The following PTGER4 variants were observed in gnomAD, a reference collection of about 807,000 sequenced individuals.
PTGER4 encodes prostaglandin E receptor 4, also known as prostaglandin E2 receptor EP4 subtype.
Under a neutral mutation model 33.2 loss-of-function variants are expected in PTGER4, and 11 were observed. That is an observed-to-expected ratio of 0.33 (90% CI 0.21 to 0.55). The LOEUF (loss-of-function observed/expected upper bound fraction) is 0.55, where lower values mean the gene tolerates loss of function less well. Among genes scored for constraint, PTGER4 ranks in the 20% least tolerant of loss-of-function variants. The pLI is 0.92. For synonymous variants in PTGER4, 275 were observed against 281.5 expected (o/e 0.98, Z 0.23); for missense variants, 481 against 650.2 (o/e 0.74, Z 2.83).
the PTGER4 span, among the ~76,000 whole-genome samples, chr5:40,718,056 C>T: frequency 2.2e-4 from 33 of 150,612 alleles, no homozygotes; most frequent in East Asian, 5.9e-3. Flanking sequence ...GAGCGAAACT[C>T]CGTCTCAAAA....
the PTGER4 span, among the ~76,000 whole-genome samples, chr5:40,743,737 G>A: frequency 6.6e-6 from 1 of 152,108 alleles, no homozygotes; most frequent in Non-Finnish European, 1.5e-5. Flanking sequence ...TCGCGCCACT[G>A]CACTCCAGCC....
chr5:40,688,409 C>G (rs1741384443), intron 2 of PTGER4, among the ~76,000 whole-genome samples: 1 of 152,194 alleles, frequency 6.6e-6, no homozygotes, highest in Admixed American at 6.5e-5. Flanking sequence ...GGACTTGATA[C>G]TAACAGATTT....
chr5:40,716,282 T>C, the PTGER4 span: 13 of 1,614,214 alleles, frequency 8.1e-6, no homozygotes, highest in Admixed American at 1.7e-5. Context: ...TTCTCAGCAA[T>C]AGCTGCACAA....
the PTGER4 span, chr5:40,715,535 G>A: frequency 6.6e-6 from 1 of 152,274 alleles, no homozygotes; most frequent in Non-Finnish European, 1.5e-5. Flanking sequence ...CAACTTCAAA[G>A]TCAAAACAGA....
the PTGER4 span, among the ~76,000 whole-genome samples, chr5:40,718,107 T>C: frequency 1.3e-5 from 2 of 150,746 alleles, no homozygotes; most frequent in Non-Finnish European, 3.0e-5. Context: ...TACAATCTAA[T>C]AGGCCCTTTA....
chr5:40,699,938 T>C, the PTGER4 span, among the ~76,000 whole-genome samples: 2 of 78,678 alleles, frequency 2.5e-5, no homozygotes, highest in Non-Finnish European at 2.8e-5. Flanking sequence ...TTGTGTGTAC[T>C]GAAAGTTTAG....
downstream of PTGER4, among the ~76,000 whole-genome samples, chr5:40,698,336 A>G (rs770447491): frequency 6.6e-6 from 1 of 152,040 alleles, no homozygotes; most frequent in Non-Finnish European, 1.5e-5. Context: ...CTAAATTATA[A>G]TTATACTGAG....
chr5:40,696,539 C>T (rs1452697822), downstream of PTGER4: 1 of 396,132 alleles, frequency 2.5e-6, no homozygotes, highest in Non-Finnish European at 3.4e-6. Flanking sequence ...GTGCTTTAGC[C>T]CCAAACTGGA....
the PTGER4 span, chr5:40,715,606 A>G: frequency 6.6e-6 from 1 of 152,392 alleles, no homozygotes; most frequent in African/African-American, 2.4e-5. Flanking sequence ...ATTTGTGTGC[A>G]TTTTCAGCCA....
downstream of PTGER4, among the ~76,000 whole-genome samples, chr5:40,697,791 C>G (rs916740429): frequency 6.6e-6 from 1 of 151,420 alleles, no homozygotes; most frequent in South Asian, 2.1e-4. Context: ...ACATAATATA[C>G]AAGGTGAACT....
At chr5:40,727,030 T>A in the PTGER4 span, among the ~76,000 whole-genome samples, 1 of 152,210 alleles carries the variant, frequency 6.6e-6, no homozygotes, top group Non-Finnish European at 1.5e-5. Context: ...ATTTAGATTA[T>A]CATTAACTTA....
the PTGER4 span, among the ~76,000 whole-genome samples, chr5:40,729,197 A>G: frequency 6.6e-6 from 1 of 152,250 alleles, no homozygotes; most frequent in Admixed American, 6.5e-5. Context: ...TGAAAAAGGA[A>G]TACAAATGAA....
At position 40,692,461 on chromosome 5, in the gene PTGER4, T is replaced by C; in HGVS notation, c.*83T>C. 1 of 1,501,032 alleles carries C rather than the reference T, an allele frequency of 6.7e-7. No homozygotes were observed. The highest frequency in any genetic ancestry group is 8.8e-7 in the Non-Finnish European group (1 of 1,132,114). 93.0% of individuals were successfully genotyped at this position (1,501,032 alleles called of 1,614,324 possible). ...GACACATACATGTCACATTTAGCTGTGCTCAGAAGGGCTATCATCATCCTA... is the reference window on the plus strand; with the variant it reads ...GACACATACATGTCACATTTAGCTGCGCTCAGAAGGGCTATCATCATCCTA... On this transcript the variant is annotated 3_prime_UTR_variant, in exon 3 of 3. Transcript: ENST00000302472.
chr5:40,742,260 C>T, the PTGER4 span, among the ~76,000 whole-genome samples: 1 of 151,934 alleles, frequency 6.6e-6, no homozygotes, highest in Non-Finnish European at 1.5e-5. Flanking sequence ...CCCCATGAGG[C>T]AATTGCAAGT....
At chr5:40,741,372 G>A in the PTGER4 span, among the ~76,000 whole-genome samples, 1 of 152,258 alleles carries the variant, frequency 6.6e-6, no homozygotes, top group African/African-American at 2.4e-5. Context: ...ATTCTGAATG[G>A]CTGAAGCTTG....
chr5:40,687,608 C>G (rs1741359001), intron 2 of PTGER4, among the ~76,000 whole-genome samples: 3 of 152,160 alleles, frequency 2.0e-5, no homozygotes, highest in Non-Finnish European at 4.4e-5. Flanking sequence ...TCAAACATTG[C>G]AAGATGCGTG....
At chr5:40,698,131 T>C (rs1043669397), downstream of PTGER4, among the ~76,000 whole-genome samples, 11 of 110,010 alleles carry the variant, frequency 1.0e-4, no homozygotes, top group African/African-American at 4.3e-4. Flanking sequence ...CATGAAAAAT[T>C]AGCCAGGCAT....
the PTGER4 span, among the ~76,000 whole-genome samples, chr5:40,721,614 C>T: frequency 1.3e-5 from 2 of 151,858 alleles, no homozygotes; most frequent in African/African-American, 4.8e-5. Flanking sequence ...ACTCCAAGTG[C>T]ATTAAAGACT....
chr5:40,736,530 C>T, the PTGER4 span, among the ~76,000 whole-genome samples: 125 of 152,148 alleles, frequency 8.2e-4, 1 homozygote, highest in Non-Finnish European at 1.2e-3. Context: ...GGACTAACAC[C>T]GTGACTCTTG....
Sources: allele counts gnomAD v4.1 joint callset (sites outside exome capture counted in the v4.1 genomes callset), GRCh38; gene constraint gnomAD v4.1.1; transcripts MANE v1.5; gene names NCBI Gene and HGNC (gene_info 2026-07-23, HGNC 2026-07-21).